Variants in FBXO8 observed in about 807,000 individuals in gnomAD.
FBXO8 encodes the protein F-box protein 8.
Under a neutral mutation model 33.4 loss-of-function variants are expected in FBXO8, and 15 were observed. The observed-to-expected ratio is 0.45, with a 90% CI of 0.30 to 0.69. The LOEUF is 0.69. Among genes scored for constraint, FBXO8 ranks in the 30% least tolerant of loss-of-function variants. FBXO8 has a pLI of 0.08. For missense variants in FBXO8, 274 were observed against 380.3 expected (o/e 0.72, Z 2.32); for synonymous variants, 132 against 131.5 (o/e 1.00, Z -0.02).
At chr4:174,240,076 T>C (rs543239245) in intron 4 of FBXO8, among the ~76,000 whole-genome samples, 1 of 145,678 alleles carries the variant, frequency 6.9e-6, no homozygotes, top group South Asian at 2.1e-4. Flanking sequence ...CACCACAGAA[T>C]GGCAGAGTTT....
chr4:174,268,683 G>A (rs1221272133), intron 1 of FBXO8, among the ~76,000 whole-genome samples: 9 of 152,090 alleles, frequency 5.9e-5, no homozygotes, highest in East Asian at 3.9e-4. Flanking sequence ...TGATCCGCCC[G>A]CCTTGGCCTC....
chr4:174,245,852 G>GTTTT lies in FBXO8; in HGVS notation c.457-4635_457-4634insAAAA, dbSNP rs1372976868. Among the ~76,000 whole-genome samples, 1 of 151,920 alleles carries GTTTT rather than the reference G, an allele frequency of 6.6e-6. No individual in the cohort carries two copies. The highest frequency in any genetic ancestry group is 1.9e-4 in the East Asian group (1 of 5,182). ...ATGTGACAGTGAAAAGTGAAAGACA[G>GTTTT]CTGATGGTTCTGGCTTAGATGAAGA... On this transcript the variant is annotated intron_variant, in intron 3 of 5. Transcript: ENST00000393674. The surrounding 1 kb of genome is among the most constrained non-coding windows in gnomAD (Gnocchi z 4.6).
At position 174,255,458 on chromosome 4, in the gene FBXO8, A is replaced by C. The variant is rs1366388821; in HGVS notation, c.456+4241T>G. 6.6e-6 allele frequency among the ~76,000 whole-genome samples: 1 copy of C among 152,122 alleles called. No individual in the cohort carries two copies. The highest frequency in any genetic ancestry group is 2.4e-5 in the African/African-American group (1 of 41,438). ...TATCTTGAAAATAAGTTGCATATTC[A>C]TTTCTACCTCAAACATGTGGATAGG... On this transcript the variant is annotated intron_variant, in intron 3 of 5. Transcript: ENST00000393674. The surrounding 1 kb of genome is among the most constrained non-coding windows in gnomAD (Gnocchi z 4.3).
At chr4:174,260,703 T>C (rs1310902815) in intron 2 of FBXO8, among the ~76,000 whole-genome samples, 1 of 152,006 alleles carries the variant, frequency 6.6e-6, no homozygotes, top group Non-Finnish European at 1.5e-5. Flanking sequence ...GTTAATGTTT[T>C]ATCTTATTAT....
rs1020527703 is a variant in FBXO8 at position 174,251,560 on chromosome 4, A to G, written c.456+8139T>C. Reference sequence around the variant, plus strand: ...AGGGTAAAGCTGCCTTCTTAACCATAAAATCACCTGATGGATTAGATTAAA... The same window carrying G: ...AGGGTAAAGCTGCCTTCTTAACCATGAAATCACCTGATGGATTAGATTAAA... On this transcript the variant is annotated intron_variant, in intron 3 of 5. Transcript: ENST00000393674. This position sits in a 1 kb window ranked among gnomAD's most constrained non-coding sequence, Gnocchi z 4.2. Among the ~76,000 whole-genome samples the G allele has an allele frequency of 6.6e-6, 1 of 152,138 alleles. No homozygotes were observed. The highest frequency in any genetic ancestry group is 1.5e-5 in the Non-Finnish European group (1 of 68,020).
chr4:174,249,713 T>A (rs975188438), intron 3 of FBXO8, among the ~76,000 whole-genome samples: 7 of 151,984 alleles, frequency 4.6e-5, no homozygotes, highest in African/African-American at 1.7e-4. Context: ...CTGCCAACAT[T>A]GTAGCCAAGA....
intron 1 of FBXO8, among the ~76,000 whole-genome samples, chr4:174,279,805 T>C (rs978478283): frequency 2.6e-5 from 4 of 152,072 alleles, no homozygotes; most frequent in Admixed American, 2.6e-4. Context: ...TTCAAAAGAA[T>C]GAGGTTGGAA....
In FBXO8 at chr4:174,245,812, GCTGA is replaced by G. The variant is rs1736146006; in HGVS notation, c.457-4598_457-4595del. On this transcript the variant is annotated intron_variant, in intron 3 of 5. Transcript: ENST00000393674. This position sits in a 1 kb window ranked among gnomAD's most constrained non-coding sequence, Gnocchi z 4.6. ...TATATGAAAATAACTTGATAAATAT[GCTGA>G]CTATCAAGCCATGTGACAGTGAAAA... 6.6e-6 allele frequency among the ~76,000 whole-genome samples: 1 copy of G among 152,060 alleles called. No homozygotes were observed. The highest frequency in any genetic ancestry group is 2.4e-5 in the African/African-American group (1 of 41,530).
rs1736273720 is a variant in FBXO8 at position 174,251,026 on chromosome 4, T to C, written c.456+8673A>G. Among the ~76,000 whole-genome samples the C allele has an allele frequency of 6.6e-6, 1 of 152,126 alleles. No homozygotes were observed. Among genetic ancestry groups the C allele is most frequent in the Admixed American group, 6.6e-5 (1 of 15,258 alleles). ...AACAGATTTTTCATTAAAATGCACT[T>C]AAAAAGCTCAATGTACCACTGTAAA... On this transcript the variant is annotated intron_variant, in intron 3 of 5. Transcript: ENST00000393674. This position sits in a 1 kb window ranked among gnomAD's most constrained non-coding sequence, Gnocchi z 4.2.
intron 5 of FBXO8, among the ~76,000 whole-genome samples, chr4:174,238,410 C>G (rs1382994789): frequency 6.6e-6 from 1 of 151,712 alleles, no homozygotes; most frequent in Non-Finnish European, 1.5e-5. Context: ...ACGACAGGAA[C>G]AGTTTTGTAA....
chr4:174,269,370 T>C (rs1736778376), intron 1 of FBXO8, among the ~76,000 whole-genome samples: 1 of 151,996 alleles, frequency 6.6e-6, no homozygotes, highest in Non-Finnish European at 1.5e-5. Context: ...AACTGTACAT[T>C]TTCTCCTTAT....
chr4:174,244,770 G>A (rs1736120589), intron 3 of FBXO8, among the ~76,000 whole-genome samples: 1 of 151,692 alleles, frequency 6.6e-6, no homozygotes, highest in Non-Finnish European at 1.5e-5. Context: ...TTAAAGGATA[G>A]TTACAGTGGG....
rs1269978045 is a variant in FBXO8 at position 174,251,299 on chromosome 4, A to G, written c.456+8400T>C. Among the ~76,000 whole-genome samples, 2 of 152,164 alleles carry G rather than the reference A, an allele frequency of 1.3e-5. No homozygotes were observed. Among genetic ancestry groups the G allele is most frequent in the African/African-American group, 4.8e-5 (2 of 41,454 alleles). On this transcript the variant is annotated intron_variant, in intron 3 of 5. Transcript: ENST00000393674. This position sits in a 1 kb window ranked among gnomAD's most constrained non-coding sequence, Gnocchi z 4.2. Reference sequence around the variant, plus strand: ...AGGTGGTTTGATTGATGAATAAACTATGGAATATTCTAGGGCCTGAATCTC... The same window carrying G: ...AGGTGGTTTGATTGATGAATAAACTGTGGAATATTCTAGGGCCTGAATCTC...
rs142702096 is a variant in FBXO8, at chr4:174,247,386, T to C, written c.457-6168A>G. ...CAAGTTTTGTTCAATTTCGTCCTTG[T>C]ATAAAATGTAAAATCTAGTACAATG... On this transcript the variant is annotated intron_variant, in intron 3 of 5. Transcript: ENST00000393674. The surrounding 1 kb of genome is among the most constrained non-coding windows in gnomAD (Gnocchi z 4.6). Among the ~76,000 whole-genome samples, 541 of 150,694 alleles carry C rather than the reference T, an allele frequency of 3.6e-3. 2 individuals are homozygous for C. The highest frequency in any genetic ancestry group is 0.012 in the African/African-American group (510 of 41,110).
rs960989603 is a variant in FBXO8, at chr4:174,278,135, G to T, written c.-9+5275C>A. 6.6e-6 allele frequency among the ~76,000 whole-genome samples: 1 copy of T among 151,922 alleles called. No individual in the cohort carries two copies. Among genetic ancestry groups the T allele is most frequent in the African/African-American group, 2.4e-5 (1 of 41,402 alleles). On this transcript the variant is annotated intron_variant, in intron 1 of 5. Transcript: ENST00000393674. This position sits in a 1 kb window ranked among gnomAD's most constrained non-coding sequence, Gnocchi z 4.1. ...CCAATCACATCCCTAAAATTTAAAG[G>T]CAACAAATGTAGAGAAATAAAGGAA...
chr4:174,281,646 C>T lies in FBXO8; in HGVS notation c.-9+1764G>A, dbSNP rs573959852. ...GGTCAAGGCTACAGTGAGTCTTGTT[C>T]GCACCACTGCACTCCAGCCTGGGCA... On this transcript the variant is annotated intron_variant, in intron 1 of 5. Transcript: ENST00000393674. This position sits in a 1 kb window ranked among gnomAD's most constrained non-coding sequence, Gnocchi z 4.6. Among the ~76,000 whole-genome samples the T allele has an allele frequency of 3.9e-5, 6 of 152,140 alleles. No homozygotes were observed. Among genetic ancestry groups the T allele is most frequent in the African/African-American group, 1.2e-4 (5 of 41,504 alleles).
At chr4:174,269,530 C>T (rs939235822) in intron 1 of FBXO8, among the ~76,000 whole-genome samples, 2 of 151,838 alleles carry the variant, frequency 1.3e-5, no homozygotes, top group African/African-American at 2.4e-5. Context: ...ACTAAAAATA[C>T]ACAAATTAGC....
rs927581508 is a variant in FBXO8, at chr4:174,251,359, G to A, written c.456+8340C>T. On this transcript the variant is annotated intron_variant, in intron 3 of 5. Coordinates refer to ENST00000393674, the MANE Select transcript of FBXO8 (RefSeq NM_012180.3). This position sits in a 1 kb window ranked among gnomAD's most constrained non-coding sequence, Gnocchi z 4.2. ...CAGATAAAGATTAGAAGAGGGCCTC[G>A]GAAATTTGTCTTTCTTTCAAGTTTC... 3.9e-5 allele frequency among the ~76,000 whole-genome samples: 6 copies of A among 152,020 alleles called. No homozygotes were observed. Among genetic ancestry groups the A allele is most frequent in the African/African-American group, 7.2e-5 (3 of 41,404 alleles).
chr4:174,237,659 G>A lies in FBXO8; in HGVS notation c.773-60C>T. The A allele has an allele frequency of 7.1e-7, 1 of 1,408,094 alleles. No homozygotes were observed. The highest frequency in any genetic ancestry group is 1.4e-5 in the South Asian group (1 of 73,058). The allele number at this position is 1,408,094 out of a possible 1,614,324, so 87.2% of individuals were successfully genotyped here. A position where few individuals can be genotyped will look rare whatever the true frequency, so the allele number is the denominator to read the frequency against. Reference sequence around the variant, plus strand: ...TGGTTTACAAAATATGATTCCAATGGCATTATATAAGGCAAAAATGTTCAT... The same window carrying A: ...TGGTTTACAAAATATGATTCCAATGACATTATATAAGGCAAAAATGTTCAT... On this transcript the variant is annotated intron_variant, in intron 5 of 5. Coordinates refer to ENST00000393674, the MANE Select transcript of FBXO8 (RefSeq NM_012180.3). The surrounding 1 kb of genome is among the most constrained non-coding windows in gnomAD (Gnocchi z 4.4).
Sources: gnomAD v4.1 joint callset for allele counts (sites outside exome capture counted in the v4.1 genomes callset) on GRCh38, gnomAD v4.1.1 for gene constraint, Gnocchi (gnomAD v3.1) non-coding constraint, MANE v1.5 for transcripts, NCBI Gene and HGNC (gene_info 2026-07-23, HGNC 2026-07-21) for gene names.